The following RARB variants were observed in gnomAD, a reference collection of about 807,000 sequenced individuals.
RARB encodes the protein retinoic acid receptor beta.
RARB carries 17 observed loss-of-function variants against 51.9 expected under a neutral mutation model. The ratio of observed to expected loss-of-function variants is 0.33; its 90% confidence interval spans 0.22 to 0.49. The LOEUF (loss-of-function observed/expected upper bound fraction) is 0.49, where lower values mean the gene tolerates loss of function less well. Among genes scored for constraint, RARB ranks in the 20% least tolerant of loss-of-function variants. The pLI is 0.99. For synonymous variants in RARB, 215 were observed against 195.4 expected (o/e 1.10, Z -0.84); for missense variants, 369 against 550.8 (o/e 0.67, Z 3.30).
intron 2 of RARB, among the ~76,000 whole-genome samples, chr3:24,970,135 T>C (rs1212704884): frequency 6.6e-6 from 1 of 152,082 alleles, no homozygotes. Context: ...GATAACTGAA[T>C]GGCTGTAGCT....
At chr3:24,977,935 C>G (rs976676904) in intron 2 of RARB, among the ~76,000 whole-genome samples, 1 of 152,032 alleles carries the variant, frequency 6.6e-6, no homozygotes, top group Non-Finnish European at 1.5e-5. Context: ...TCCATCAGTA[C>G]CTAGTTTATT....
intron 2 of RARB, among the ~76,000 whole-genome samples, chr3:24,874,245 C>A (rs141241813): frequency 0.012 from 1,750 of 152,020 alleles, 59 homozygotes; most frequent in East Asian, 0.048. Flanking sequence ...TTGAGACTTG[C>A]TTTATGGCCC....
intron 5 of RARB, among the ~76,000 whole-genome samples, chr3:25,303,315 G>C (rs539346239): frequency 8.9e-4 from 136 of 152,182 alleles, no homozygotes; most frequent in Non-Finnish European, 1.5e-3. Context: ...CCTTTAATCT[G>C]ATTCTTCAAG....
chr3:25,588,081 A>G (rs974649726), intron 5 of RARB, among the ~76,000 whole-genome samples: 1 of 152,258 alleles, frequency 6.6e-6, no homozygotes, highest in Non-Finnish European at 1.5e-5. Flanking sequence ...CTCATATTCT[A>G]GAAGGGAGAT....
intron 5 of RARB, among the ~76,000 whole-genome samples, chr3:25,300,773 T>C (rs550954952): frequency 4.6e-5 from 7 of 152,106 alleles, no homozygotes; most frequent in African/African-American, 1.7e-4. Flanking sequence ...GCGGATTGCC[T>C]GAGCTCAGGA....
intron 2 of RARB, among the ~76,000 whole-genome samples, chr3:25,028,684 G>A (rs1324187676): frequency 6.6e-6 from 1 of 152,242 alleles, no homozygotes; most frequent in African/African-American, 2.4e-5. Flanking sequence ...CTGGTTTACC[G>A]GGAGAGCCAT....
intron 5 of RARB, among the ~76,000 whole-genome samples, chr3:25,232,981 T>TC (rs1559515991): frequency 6.8e-6 from 1 of 147,496 alleles, no homozygotes; most frequent in East Asian, 2.0e-4. Context: ...TTCTTTTTTT[T>TC]TTTTTTTTTT....
intron 5 of RARB, among the ~76,000 whole-genome samples, chr3:25,202,112 T>G (rs1175897298): frequency 1.3e-5 from 2 of 152,150 alleles, no homozygotes; most frequent in African/African-American, 2.4e-5. Flanking sequence ...TAATTTCAGA[T>G]CCTGTTATTG....
chr3:25,525,316 G>A (rs1698602055), intron 3 of RARB, among the ~76,000 whole-genome samples: 1 of 152,182 alleles, frequency 6.6e-6, no homozygotes. Flanking sequence ...GAGAGGCAGA[G>A]GACAGAAGGG....
intron 3 of RARB, among the ~76,000 whole-genome samples, chr3:25,073,804 T>C (rs781107664): frequency 1.3e-5 from 2 of 151,602 alleles, no homozygotes; most frequent in African/African-American, 2.4e-5. Context: ...TTTCAATGTA[T>C]AAAGTAGAAT....
intron 2 of RARB, among the ~76,000 whole-genome samples, chr3:24,859,920 A>G (rs764597604): frequency 3.9e-5 from 6 of 152,176 alleles, no homozygotes; most frequent in Admixed American, 1.3e-4. Flanking sequence ...GTTGTAAAAT[A>G]TATTTTCCTT....
intron 2 of RARB, among the ~76,000 whole-genome samples, chr3:25,032,348 A>G (rs1427247248): frequency 6.6e-6 from 1 of 152,226 alleles, no homozygotes; most frequent in Non-Finnish European, 1.5e-5. Context: ...TAATGGCCCT[A>G]TGGGCTATGA....
intron 1 of RARB, among the ~76,000 whole-genome samples, chr3:24,840,272 T>C (rs879411178): frequency 3.3e-5 from 5 of 152,208 alleles, no homozygotes; most frequent in Non-Finnish European, 7.3e-5. Context: ...AATAACAGAC[T>C]TGTAACTGCC....
rs767161448 is a variant in RARB at position 24,885,596 on chromosome 3, C to T, written c.-380+26844C>T. On this transcript the variant is annotated intron_variant, in intron 2 of 11. Transcript: ENST00000383772. ...AATCACTAACGTCAAAATGAACCTA[C>T]ATTTTTATGAAGAATACCTGGGAAG... 8.1e-4 allele frequency among the ~76,000 whole-genome samples: 124 copies of T among 152,152 alleles called. 2 individuals are homozygous for T. The highest frequency in any genetic ancestry group is 3.9e-4 in the Admixed American group (6 of 15,276).
chr3:25,570,983 T>A (rs1308606232), intron 4 of RARB, among the ~76,000 whole-genome samples: 2 of 149,650 alleles, frequency 1.3e-5, no homozygotes, highest in African/African-American at 4.9e-5. Context: ...TTTGGAGCAG[T>A]TCTTGGTGAG....
At chr3:24,994,946 T>C (rs1258844422) in intron 2 of RARB, among the ~76,000 whole-genome samples, 1 of 152,162 alleles carries the variant, frequency 6.6e-6, no homozygotes, top group African/African-American at 2.4e-5. Context: ...TTTGTTGTTT[T>C]TGCTCAGGAA....
chr3:25,400,098 T>C (rs1707224305), intron 5 of RARB, among the ~76,000 whole-genome samples: 1 of 152,202 alleles, frequency 6.6e-6, no homozygotes, highest in East Asian at 1.9e-4. Context: ...CCATTATTAC[T>C]ATCATCTGGA....
At chr3:25,516,656 A>G (rs1045911425) in intron 3 of RARB, among the ~76,000 whole-genome samples, 8 of 116,116 alleles carry the variant, frequency 6.9e-5, no homozygotes, top group Non-Finnish European at 1.3e-4. Flanking sequence ...AGACAGGGTC[A>G]CACTCTGTCG....
intron 5 of RARB, among the ~76,000 whole-genome samples, chr3:25,343,919 A>T (rs1021179795): frequency 6.6e-6 from 1 of 152,174 alleles, no homozygotes; most frequent in Non-Finnish European, 1.5e-5. Flanking sequence ...AGAAAAAGGG[A>T]AATTGAAGCA....
Sources: gnomAD v4.1 joint callset for allele counts (sites outside exome capture counted in the v4.1 genomes callset) on GRCh38, gnomAD v4.1.1 for gene constraint, MANE v1.5 for transcripts, NCBI Gene and HGNC (gene_info 2026-07-23, HGNC 2026-07-21) for gene names.